The following F2R variants were observed in gnomAD, a reference collection of about 807,000 sequenced individuals.
The protein encoded by F2R is proteinase-activated receptor 1.
In F2R, 12 loss-of-function variants were observed where a neutral mutation model predicts 18.3. The observed-to-expected ratio is 0.66, with a 90% confidence interval of 0.42 to 1.06. F2R has a LOEUF of 1.06. F2R is among the 50% of genes least tolerant of loss of function. The probability of loss-of-function intolerance (pLI) is 0.00; values close to 1 mark genes in which losing one functional copy is unlikely to be tolerated. For synonymous variants in F2R, 210 were observed against 219.9 expected (o/e 0.95, Z 0.40); for missense variants, 438 against 530.8 (o/e 0.83, Z 1.72).
rs1181079717 is a variant in F2R, at chr5:76,733,586, T to C, written c.*83T>C. On this transcript the variant is annotated 3_prime_UTR_variant, in exon 2 of 2. Transcript: ENST00000319211. ...ATTCTATTAGTCCCCACCCAAACTT[T>C]ATTGATTCACCTCCTAAAACAACAG... is the stretch of plus-strand genomic sequence containing the variant. The C allele has an allele frequency of 2.7e-6, 3 of 1,095,416 alleles. No homozygotes were observed. Among genetic ancestry groups the C allele is most frequent in the Non-Finnish European group, 3.9e-6 (3 of 778,552 alleles). 67.9% of individuals were successfully genotyped at this position (1,095,416 alleles called of 1,614,324 possible). A position where few individuals can be genotyped will look rare whatever the true frequency, so the allele number is the denominator to read the frequency against.
intron 1 of F2R, among the ~76,000 whole-genome samples, chr5:76,717,908 TG>T (rs1301908274): frequency 1.3e-5 from 2 of 152,170 alleles, no homozygotes; most frequent in African/African-American, 4.8e-5. Context: ...TACATCCTCA[TG>T]GCAGGAGTGG....
intron 1 of F2R, among the ~76,000 whole-genome samples, chr5:76,721,422 CG>C (rs1748453394): frequency 6.6e-6 from 1 of 152,110 alleles, no homozygotes; most frequent in Non-Finnish European, 1.5e-5. Flanking sequence ...CTGACCTTGT[CG>C]TGGTACTTGG....
In F2R at chr5:76,727,844, G is replaced by A. The variant is rs116922280; in HGVS notation, c.89-4470G>A. On this transcript the variant is annotated intron_variant, in intron 1 of 1. Transcript: ENST00000319211. The stretch of plus-strand genomic sequence containing the variant: ...AATTCCAACATCTGGGTCAACTTGA[G>A]GTTGGTTTCCGCTCACTGTCTTTTT... Among the ~76,000 whole-genome samples the A allele has an allele frequency of 1.6e-4, 23 of 147,534 alleles. 1 individual carries two copies. In the East Asian group the frequency reaches 4.3e-3, roughly 28 times the overall value.
chr5:76,720,156 C>A (rs762742034), intron 1 of F2R, among the ~76,000 whole-genome samples: 1 of 152,092 alleles, frequency 6.6e-6, no homozygotes, highest in Non-Finnish European at 1.5e-5. Flanking sequence ...ACCAGCATAG[C>A]AGGTTCTCAG....
chr5:76,717,987 A>G (rs1691568533), intron 1 of F2R, among the ~76,000 whole-genome samples: 1 of 152,216 alleles, frequency 6.6e-6, no homozygotes, highest in Admixed American at 6.5e-5. Flanking sequence ...TAGTTTATCA[A>G]CACTGGATTC....
rs1417301623 is a variant in F2R, at chr5:76,735,250, G to T, written c.*1747G>T. The T allele has an allele frequency of 1.3e-5, 2 of 152,156 alleles. No individual in the cohort carries two copies. The highest frequency in any genetic ancestry group is 2.9e-5 in the Non-Finnish European group (2 of 68,028). The allele number at this position is 152,156 out of a possible 1,614,324, so 9.4% of individuals were successfully genotyped here. ...GCACTTTGGGAGGCTGAGGCGGGTG[G>T]ATCACGAGGTCAGGAGATCGAGACC... On this transcript the variant is annotated 3_prime_UTR_variant, in exon 2 of 2. Coordinates refer to ENST00000319211, the MANE Select transcript of F2R (RefSeq NM_001992.5).
At position 76,716,185 on chromosome 5, in the gene F2R, A is replaced by C; in HGVS notation, c.-123A>C. On this transcript the variant is annotated 5_prime_UTR_variant, in exon 1 of 2. Transcript: ENST00000319211. ...TTGGACCCTGATCTTACCCGTGGGC[A>C]CCCTGCGCTCTGCCTGCCGCGAAGA... The C allele has an allele frequency of 1.5e-6, 1 of 649,910 alleles. No homozygotes were observed. Among genetic ancestry groups the C allele is most frequent in the East Asian group, 3.9e-5 (1 of 25,404 alleles). The allele number at this position is 649,910 out of a possible 1,614,324, so 40.3% of individuals were successfully genotyped here. A position where few individuals can be genotyped will look rare whatever the true frequency, so the allele number is the denominator to read the frequency against.
intron 1 of F2R, among the ~76,000 whole-genome samples, chr5:76,729,284 G>A (rs778432019): frequency 6.6e-6 from 1 of 152,024 alleles, no homozygotes; most frequent in African/African-American, 2.4e-5. Flanking sequence ...TCATATACTT[G>A]TTGGCCATTT....
At chr5:76,720,693 C>G (rs532690984) in intron 1 of F2R, among the ~76,000 whole-genome samples, 4 of 152,078 alleles carry the variant, frequency 2.6e-5, no homozygotes, top group Non-Finnish European at 5.9e-5. Context: ...CCCCAGGAAC[C>G]ACCAGTTTGC....
In F2R at chr5:76,732,718, G is replaced by C. The variant is rs375693604; in HGVS notation, c.493G>C (p.Gly165Arg). The C allele has an allele frequency of 5.0e-6, 8 of 1,614,040 alleles. No homozygotes were observed. The highest frequency in any genetic ancestry group is 5.9e-6 in the Non-Finnish European group (7 of 1,180,050). Residue 165 changes from glycine to arginine, a missense_variant, in exon 2 of 2, where the codon GGC (glycine) becomes CGC (arginine). Transcript: ENST00000319211. Reference protein sequence around the residue: ...LPFKISYYFSGSDWQFGSELC... With the variant: ...LPFKISYYFSRSDWQFGSELC... ...CTTTAAGATCAGCTATTACTTTTCC[G>C]GCAGTGATTGGCAGTTTGGGTCTGA... is the stretch of plus-strand genomic sequence containing the variant.
In F2R at chr5:76,716,319, G is replaced by A; in HGVS notation, c.12G>A (p.Arg4=). MGP[R]RLLLVAACFS... ...CAGAGCCCGGGACAATGGGGCCGCG[G>A]CGGCTGCTGCTGGTGGCCGCCTGCT... Residue 4 remains arginine, a synonymous_variant, in exon 1 of 2, where the codon CGG becomes CGA. Transcript: ENST00000319211. 1 of 1,415,806 alleles carries A rather than the reference G, an allele frequency of 7.1e-7. No individual in the cohort carries two copies. The highest frequency in any genetic ancestry group is 9.2e-7 in the Non-Finnish European group (1 of 1,087,732). The allele number at this position is 1,415,806 out of a possible 1,614,324, so 87.7% of individuals were successfully genotyped here.
chr5:76,719,090 C>A (rs1478355330), intron 1 of F2R, among the ~76,000 whole-genome samples: 1 of 152,154 alleles, frequency 6.6e-6, no homozygotes. Flanking sequence ...GCCAGAATGC[C>A]CTCCCCATAT....
chr5:76,729,337 A>G (rs1216554515), intron 1 of F2R, among the ~76,000 whole-genome samples: 1 of 152,156 alleles, frequency 6.6e-6, no homozygotes, highest in East Asian at 1.9e-4. Context: ...TCCTTTGTCC[A>G]TTTTTAAATC....
intron 1 of F2R, 106 bp from the exon 2 acceptor site, chr5:76,732,208 A>G (rs1157746495): frequency 3.6e-6 from 3 of 839,436 alleles, no homozygotes; most frequent in Non-Finnish European, 5.4e-6. Context: ...CCACTCTCCT[A>G]GTAAGAAAAC....
At chr5:76,731,929 C>T (rs1419897784) in intron 1 of F2R, among the ~76,000 whole-genome samples, 1 of 152,084 alleles carries the variant, frequency 6.6e-6, no homozygotes, top group Non-Finnish European at 1.5e-5. Context: ...TGAAGGTATG[C>T]GGAGGAAAGA....
chr5:76,732,160 T>C (rs918446365), intron 1 of F2R, among the ~76,000 whole-genome samples, 154 bp from the exon 2 acceptor site: 30 of 152,228 alleles, frequency 2.0e-4, no homozygotes, highest in African/African-American at 6.5e-4. Flanking sequence ...GCTTATTCTC[T>C]AATAAAGTCT....
In F2R at chr5:76,716,157, C is replaced by T. The variant is rs1488642899; in HGVS notation, c.-151C>T. On this transcript the variant is annotated 5_prime_UTR_variant, in exon 1 of 2. Coordinates refer to ENST00000319211, the MANE Select transcript of F2R (RefSeq NM_001992.5). ...CCCAGACACAGCGCTCGCCGAGGGT[C>T]GCTTGGACCCTGATCTTACCCGTGG... 5.3e-5 allele frequency: 27 copies of T among 509,762 alleles called. No homozygotes were observed. The highest frequency in any genetic ancestry group is 7.1e-5 in the Non-Finnish European group (23 of 322,106). 31.6% of individuals were successfully genotyped at this position (509,762 alleles called of 1,614,324 possible). A position where few individuals can be genotyped will look rare whatever the true frequency, so the allele number is the denominator to read the frequency against.
chr5:76,728,010 C>T lies in F2R; in HGVS notation c.89-4304C>T, dbSNP rs149865070. ...TCAACTTGTCCTCCCACCTGGGCTT[C>T]CCAAAGTGTTGAGATTACAGGTGTG... On this transcript the variant is annotated intron_variant, in intron 1 of 1. Transcript: ENST00000319211. 4.9e-3 allele frequency among the ~76,000 whole-genome samples: 748 copies of T among 151,696 alleles called. 11 individuals are homozygous for T. The highest frequency in any genetic ancestry group is 0.017 in the African/African-American group (707 of 41,388).
At chr5:76,720,818 G>GT (rs1748436006) in intron 1 of F2R, among the ~76,000 whole-genome samples, 1 of 151,986 alleles carries the variant, frequency 6.6e-6, no homozygotes, top group African/African-American at 2.4e-5. Flanking sequence ...TGTTGTTGCT[G>GT]TTTTTTTGAG....
Sources: allele counts gnomAD v4.1 joint callset (sites outside exome capture counted in the v4.1 genomes callset), GRCh38; gene constraint gnomAD v4.1.1; transcripts MANE v1.5; gene names NCBI Gene and HGNC (gene_info 2026-07-23, HGNC 2026-07-21).